Variants in INSL6 observed in about 807,000 individuals in gnomAD.
INSL6 encodes the protein insulin like 6, also known as insulin-like peptide INSL6.
In INSL6, 16 loss-of-function variants were observed where a neutral mutation model predicts 9.4. The ratio of observed to expected loss-of-function variants is 1.70; its 90% CI spans 1.15 to 2.59. INSL6 has a LOEUF of 2.59. Ranked by LOEUF, INSL6 falls within the 30% of genes most tolerant of loss-of-function variation. The pLI, the probability that INSL6 is intolerant of heterozygous loss-of-function variation, is 0.00. For synonymous variants in INSL6, 154 were observed against 96.9 expected (o/e 1.59, Z -3.46); for missense variants, 391 against 257.3 (o/e 1.52, Z -3.56).
chr9:5,168,595 C>A (rs534396904), intron 1 of INSL6, among the ~76,000 whole-genome samples: 6 of 151,672 alleles, frequency 4.0e-5, no homozygotes, highest in African/African-American at 1.5e-4. Context: ...CAAGACTGAA[C>A]CTATGACTAA....
the INSL6 span, among the ~76,000 whole-genome samples, chr9:5,005,202 G>T: frequency 7.0e-6 from 1 of 142,282 alleles, no homozygotes; most frequent in Admixed American, 7.4e-5. Flanking sequence ...CTCCCACCTT[G>T]GCCTCCCAAA....
In INSL6 at chr9:5,140,707, G is replaced by A. The variant is rs138749195; in HGVS notation, c.377-7115C>T. 6.6e-4 allele frequency among the ~76,000 whole-genome samples: 87 copies of A among 132,032 alleles called. No individual in the cohort carries two copies. In the East Asian group the frequency reaches 0.017, roughly 26 times the overall value. 86.6% of individuals were successfully genotyped at this position (132,032 alleles called of 152,430 possible). A position where few individuals can be genotyped will look rare whatever the true frequency, so the allele number is the denominator to read the frequency against. On this transcript the variant is annotated intron_variant, in intron 2 of 3. Coordinates refer to the INSL6 transcript ENST00000649639. The stretch of plus-strand genomic sequence containing the variant: ...CTTCAAAAGTAAGGAAACCTGGGGT[G>A]GGGATTCATTTTTTTTTCCCCTTAA...
At chr9:5,105,840 T>C in the INSL6 span, among the ~76,000 whole-genome samples, 2 of 152,200 alleles carry the variant, frequency 1.3e-5, no homozygotes, top group African/African-American at 4.8e-5. Flanking sequence ...TAAATGGTGC[T>C]GGGAAAACTG....
chr9:5,176,633 T>C (rs1825314665), intron 1 of INSL6, among the ~76,000 whole-genome samples: 1 of 151,796 alleles, frequency 6.6e-6, no homozygotes, highest in Non-Finnish European at 1.5e-5. Flanking sequence ...ATGAAGATTA[T>C]ATAGCATAAA....
At chr9:5,070,035 AATGAAG>A in the INSL6 span, 1 of 1,605,570 alleles carries the variant, frequency 6.2e-7, no homozygotes. Flanking sequence ...CAAAATCAGA[AATGAAG>A]ATTTGATATT....
chr9:5,104,114 T>C, the INSL6 span, among the ~76,000 whole-genome samples: 1 of 152,008 alleles, frequency 6.6e-6, no homozygotes, highest in Non-Finnish European at 1.5e-5. Flanking sequence ...AAAAAATCAA[T>C]GAATCCAGGA....
At chr9:4,999,527 A>G in the INSL6 span, among the ~76,000 whole-genome samples, 1 of 152,212 alleles carries the variant, frequency 6.6e-6, no homozygotes, top group Non-Finnish European at 1.5e-5. Context: ...GAAGGACAGA[A>G]CTAATAGGAT....
intron 2 of INSL6, among the ~76,000 whole-genome samples, chr9:5,137,658 C>T (rs560431332): frequency 4.8e-4 from 73 of 152,292 alleles, no homozygotes; most frequent in Admixed American, 1.5e-3. Flanking sequence ...CTAGGCAATA[C>T]CATTCAGCAC....
the INSL6 span, chr9:5,041,512 G>C: frequency 1.8e-6 from 1 of 564,186 alleles, no homozygotes; most frequent in Non-Finnish European, 3.5e-6. Flanking sequence ...GACACATAGC[G>C]CGCCACGCCC....
the INSL6 span, among the ~76,000 whole-genome samples, chr9:5,092,950 A>G: frequency 2.0e-5 from 3 of 152,180 alleles, no homozygotes; most frequent in Admixed American, 6.5e-5. Context: ...ACAAAATAAC[A>G]TCGCCATAGT....
chr9:5,140,852 C>G (rs1340015124), intron 2 of INSL6, among the ~76,000 whole-genome samples: 1 of 151,996 alleles, frequency 6.6e-6, no homozygotes, highest in African/African-American at 2.4e-5. Flanking sequence ...CTGGTCTTCT[C>G]CCTCATCCCA....
chr9:5,114,894 C>G, the INSL6 span: 1 of 197,924 alleles, frequency 5.1e-6, no homozygotes, highest in Non-Finnish European at 1.0e-5. Flanking sequence ...GTTGCAATGA[C>G]CCCAGGAAGC....
chr9:5,111,738 G>A, the INSL6 span: 10 of 429,270 alleles, frequency 2.3e-5, no homozygotes, highest in African/African-American at 2.0e-4. Flanking sequence ...GTGGGCTACC[G>A]GCTGCACGGA....
chr9:5,118,948 C>T (rs544824422), downstream of INSL6, among the ~76,000 whole-genome samples: 22 of 152,234 alleles, frequency 1.4e-4, no homozygotes, highest in Admixed American at 1.1e-3. Context: ...TACCAAAAAG[C>T]TTTTAAAATT....
chr9:5,024,014 T>C, the INSL6 span, among the ~76,000 whole-genome samples: 1 of 152,194 alleles, frequency 6.6e-6, no homozygotes, highest in Non-Finnish European at 1.5e-5. Context: ...CCCAGCACTT[T>C]GGGAGGCTGA....
intron 1 of INSL6, among the ~76,000 whole-genome samples, chr9:5,177,028 A>C (rs922884683): frequency 6.6e-6 from 1 of 152,222 alleles, no homozygotes; most frequent in African/African-American, 2.4e-5. Flanking sequence ...AAGTAATTTC[A>C]TGACTTTGAT....
chr9:5,118,634 T>C, the INSL6 span, among the ~76,000 whole-genome samples: 4 of 152,250 alleles, frequency 2.6e-5, no homozygotes, highest in Admixed American at 2.6e-4. Context: ...GCATAAATTC[T>C]GTGTTCATTT....
the INSL6 span, among the ~76,000 whole-genome samples, chr9:5,070,525 G>C: frequency 5.9e-5 from 9 of 151,756 alleles, no homozygotes; most frequent in Non-Finnish European, 1.2e-4. Flanking sequence ...TATATACATG[G>C]GTTTTGCATC....
the INSL6 span, among the ~76,000 whole-genome samples, chr9:5,032,190 G>A: frequency 7.2e-5 from 11 of 152,222 alleles, no homozygotes; most frequent in African/African-American, 1.9e-4. Context: ...AGGTGGCAGC[G>A]AGGCTGGGGG....
Sources: allele counts gnomAD v4.1 joint callset (sites outside exome capture counted in the v4.1 genomes callset), GRCh38; gene constraint gnomAD v4.1.1; transcripts MANE v1.5; gene names NCBI Gene and HGNC (gene_info 2026-07-23, HGNC 2026-07-21).